TRPA1: variants seen among roughly 807,000 people sequenced by gnomAD.
The protein encoded by TRPA1 is ankyrin-like with transmembrane domains 1.
TRPA1 carries 129 observed loss-of-function variants against 131.3 expected under a neutral mutation model. The ratio of observed to expected loss-of-function variants is 0.98; its 90% CI spans 0.85 to 1.14. The LOEUF (loss-of-function observed/expected upper bound fraction) is 1.14, where lower values mean the gene tolerates loss of function less well. TRPA1 is among the 50% of genes most tolerant of loss of function. The pLI is 0.00. For missense variants in TRPA1, 1,304 were observed against 1,354.2 expected (o/e 0.96, Z 0.58); for synonymous variants, 441 against 451.7 (o/e 0.98, Z 0.30).
At chr8:72,075,273 T>A in intron 1 of TRPA1, 26 bp downstream of exon 1, 1 of 1,590,506 alleles carries the variant, frequency 6.3e-7, no homozygotes, top group Admixed American at 1.7e-5. Context: ...TCGGAACCCC[T>A]CCAGACCCGC....
chr8:72,046,405 A>T, intron 17 of TRPA1, 108 bp downstream of exon 17: 1 of 608,308 alleles, frequency 1.6e-6, no homozygotes, highest in South Asian at 2.3e-5. Context: ...TATTTCTCAT[A>T]TGTAACTAAC....
upstream of TRPA1, among the ~76,000 whole-genome samples, chr8:72,075,859 A>AGTGAGT (rs1554540570): frequency 5.2e-5 from 7 of 135,032 alleles, no homozygotes; most frequent in Non-Finnish European, 1.1e-4. Flanking sequence ...CTTGCATGTG[A>AGTGAGT]GTGTGTGTGT....
chr8:72,075,679 G>C (rs1304376213), upstream of TRPA1: 3 of 501,396 alleles, frequency 6.0e-6, no homozygotes, highest in Non-Finnish European at 1.1e-5. Flanking sequence ...CAAAGAGGGC[G>C]GCGGCGCCGC....
rs1384035965 is a variant in TRPA1, at chr8:72,033,806, C to A, written c.2706G>T (p.Leu902Phe). The change falls in exon 23 of 27, where the codon TTG (leucine) becomes TTT (phenylalanine). Residue 902 changes from leucine to phenylalanine, a missense_variant. By Grantham distance (22) the Leu-to-Phe change is conservative. Coordinates refer to ENST00000262209, the MANE Select transcript of TRPA1 (RefSeq NM_007332.3). ...LNLQDPFSSPLLSIIQTFSMM... is the reference protein window; with the variant it reads ...LNLQDPFSSPFLSIIQTFSMM... ...TGCTGAAGGTCTGGATTATAGAAAG[C>A]AATGGAGAGCTGAAGGGATCCTGAA... 29 of 1,613,808 alleles carry A rather than the reference C, an allele frequency of 1.8e-5. No individual in the cohort carries two copies. Among genetic ancestry groups the A allele is most frequent in the African/African-American group, 4.0e-5 (3 of 74,886 alleles).
intron 25 of TRPA1, 97 bp from the exon 26 acceptor site, chr8:72,024,008 G>T: frequency 1.3e-6 from 1 of 774,652 alleles, no homozygotes; most frequent in Non-Finnish European, 2.3e-6. Context: ...GTACCAATAT[G>T]CATAAGGCAT....
intron 3 of TRPA1, among the ~76,000 whole-genome samples, chr8:72,066,653 A>G (rs1805938074): frequency 6.6e-6 from 1 of 152,234 alleles, no homozygotes; most frequent in Non-Finnish European, 1.5e-5. Context: ...AAATGAGAAC[A>G]TAAGATTCCT....
In TRPA1 at chr8:72,026,024, C is replaced by T. The variant is rs142468969; in HGVS notation, c.2987G>A (p.Arg996His). The T allele has an allele frequency of 1.1e-4, 180 of 1,613,940 alleles. No homozygotes were observed. The Middle Eastern group carries it at 1.2e-3, about 10-fold the overall frequency. ...GATGGTGGATTTCTGATCCACTTTG[C>T]GTAGAAACCAAAGTGGCAGCTTCTT... ...LEKKLPLWFL[R>H]KVDQKSTIVY... Residue 996 changes from arginine (R) to histidine (H), a missense_variant, in exon 25 of 27, where the codon CGC becomes CAC. Arg to His is a conservative substitution (Grantham distance 29). Transcript: ENST00000262209.
chr8:72,053,854 A>G lies in TRPA1; in HGVS notation c.1543T>C (p.Trp515Arg). Residue 515 changes from tryptophan (W) to arginine (R), a missense_variant, in exon 13 of 27, where the codon TGG (tryptophan) becomes CGG (arginine). Trp to Arg is a moderately radical substitution (Grantham distance 101). Coordinates refer to ENST00000262209, the MANE Select transcript of TRPA1 (RefSeq NM_007332.3). ...GALFLSDHNG[W>R]TALHHASMGG... ...ATGGACGCATGATGCAAAGCTGTCC[A>G]GCCATTGTGGTCACTGGTAAAGAGT... is the stretch of plus-strand genomic sequence containing the variant. The G allele has an allele frequency of 6.2e-7, 1 of 1,611,484 alleles. No homozygotes were observed. The highest frequency in any genetic ancestry group is 8.5e-7 in the Non-Finnish European group (1 of 1,179,520).
chr8:72,078,221 T>C (rs1318609349), upstream of TRPA1, among the ~76,000 whole-genome samples: 1 of 152,024 alleles, frequency 6.6e-6, no homozygotes, highest in Non-Finnish European at 1.5e-5. Context: ...AGGGGCCCAA[T>C]ATACATGCTA....
intron 23 of TRPA1, among the ~76,000 whole-genome samples, chr8:72,031,820 A>G (rs531904574): frequency 1.3e-5 from 2 of 152,358 alleles, no homozygotes; most frequent in Admixed American, 1.3e-4. Flanking sequence ...GTATTAGCTC[A>G]TTTAATCTAT....
intron 2 of TRPA1, 31 bp downstream of exon 2, chr8:72,071,680 T>G: frequency 6.2e-7 from 1 of 1,610,026 alleles, no homozygotes. Flanking sequence ...GATGAATGAT[T>G]TCTGGAAGAT....
At chr8:72,080,081 G>A (rs1437585667), upstream of TRPA1, among the ~76,000 whole-genome samples, 1 of 151,758 alleles carries the variant, frequency 6.6e-6, no homozygotes, top group African/African-American at 2.4e-5. Flanking sequence ...AAACATATAA[G>A]ACAATGCTAA....
At chr8:72,067,105 GAC>G (rs1330168673) in intron 3 of TRPA1, among the ~76,000 whole-genome samples, 1 of 152,206 alleles carries the variant, frequency 6.6e-6, no homozygotes, top group Non-Finnish European at 1.5e-5. Flanking sequence ...ATGCGTGGAT[GAC>G]AGTTTTTTAC....
intron 24 of TRPA1, among the ~76,000 whole-genome samples, chr8:72,027,832 G>A (rs1432832272): frequency 6.6e-6 from 1 of 152,064 alleles, no homozygotes; most frequent in Non-Finnish European, 1.5e-5. Context: ...TGCTGTTTTT[G>A]ATCCAAAACA....
intron 3 of TRPA1, among the ~76,000 whole-genome samples, chr8:72,068,081 G>C (rs1442415371): frequency 6.6e-6 from 1 of 152,224 alleles, no homozygotes; most frequent in East Asian, 1.9e-4. Context: ...ACAAGGTACA[G>C]TAGGAAAGCA....
chr8:72,027,913 G>A (rs1373328602), intron 24 of TRPA1, among the ~76,000 whole-genome samples: 2 of 152,142 alleles, frequency 1.3e-5, no homozygotes. Flanking sequence ...AACAATATAG[G>A]TTTGTGCTTT....
intron 2 of TRPA1, among the ~76,000 whole-genome samples, chr8:72,071,502 T>C (rs1806059234): frequency 6.6e-6 from 1 of 152,182 alleles, no homozygotes; most frequent in Non-Finnish European, 1.5e-5. Flanking sequence ...TGTTGTGGGG[T>C]GTCCTAGATC....
Position 72,029,678 on chromosome 8 carries a change from T to C in TRPA1, c.2937+223A>G, listed in dbSNP as rs1811736983. 3.1e-5 allele frequency: 20 copies of C among 638,164 alleles called. No individual in the cohort carries two copies. In the South Asian group the frequency reaches 3.3e-4, roughly 11 times the overall value. 39.5% of individuals were successfully genotyped at this position (638,164 alleles called of 1,614,324 possible). On this transcript the variant is annotated intron_variant, in intron 24 of 26. Coordinates refer to ENST00000262209, the MANE Select transcript of TRPA1 (RefSeq NM_007332.3). ...ACTTTGATCTGTTCTGGGCTAGCAGTATGTGGTATTCTCCTGGGATGCCGG... is the reference window on the plus strand; with the variant it reads ...ACTTTGATCTGTTCTGGGCTAGCAGCATGTGGTATTCTCCTGGGATGCCGG...
At chr8:72,023,786 A>T (rs1422468935) in intron 26 of TRPA1, 28 bp downstream of exon 26, 7 of 1,278,760 alleles carry the variant, frequency 5.5e-6, no homozygotes, top group Non-Finnish European at 6.8e-6. Flanking sequence ...TAAATTTCTC[A>T]AGTACAGATA....
Sources: allele counts gnomAD v4.1 joint callset (sites outside exome capture counted in the v4.1 genomes callset), GRCh38; gene constraint gnomAD v4.1.1; transcripts MANE v1.5; gene names NCBI Gene and HGNC (gene_info 2026-07-23, HGNC 2026-07-21).